AK7: variants seen among roughly 807,000 people sequenced by gnomAD.
The protein encoded by AK7 is adenylate kinase 7, also known as ATP-AMP transphosphorylase 7.
A neutral mutation model predicts 96.6 loss-of-function variants in AK7; 78 were observed. The observed-to-expected ratio is 0.81, with a 90% confidence interval of 0.67 to 0.97. AK7 has a LOEUF of 0.97. AK7 is among the 50% of genes least tolerant of loss of function. The pLI, the probability that AK7 is intolerant of heterozygous loss-of-function variation, is 0.00. For synonymous variants in AK7, 302 were observed against 317.2 expected (o/e 0.95, Z 0.51); for missense variants, 855 against 887.9 (o/e 0.96, Z 0.47).
chr14:96,442,686 C>T (rs749498808), intron 6 of AK7, 44 bp from the exon 7 acceptor site: 2 of 1,436,610 alleles, frequency 1.4e-6, no homozygotes, highest in Admixed American at 1.7e-5. Flanking sequence ...TAATAGCCAT[C>T]CACATATAAC....
intron 5 of AK7, among the ~76,000 whole-genome samples, chr14:96,435,564 C>T (rs576304639): frequency 6.6e-6 from 1 of 152,286 alleles, no homozygotes; most frequent in South Asian, 2.1e-4. Context: ...GTTGCATGCC[C>T]TCCCCAGTCC....
In AK7 at chr14:96,456,241, A is replaced by T; in HGVS notation, c.1099-106A>T. Reference sequence around the variant, plus strand: ...AACAGAGTGAGAGACTCTGTCTCAAAAAAAAAAAAAAAAAAAAAAAGCACT... The same window carrying T: ...AACAGAGTGAGAGACTCTGTCTCAATAAAAAAAAAAAAAAAAAAAAGCACT... On this transcript the variant is annotated intron_variant, in intron 10 of 17. Transcript: ENST00000267584. The T allele has an allele frequency of 4.7e-4, 13 of 27,690 alleles. No homozygotes were observed. The East Asian group carries it at 0.066, about 140-fold the overall frequency. 1.7% of individuals were successfully genotyped at this position (27,690 alleles called of 1,614,324 possible). A position where few individuals can be genotyped will look rare whatever the true frequency, so the allele number is the denominator to read the frequency against.
chr14:96,434,418 GTCTGTCTC>G (rs1002492652), intron 5 of AK7, among the ~76,000 whole-genome samples: 4 of 106,806 alleles, frequency 3.7e-5, no homozygotes, highest in South Asian at 2.9e-4. Context: ...CTCTCTGTCT[GTCTGTCTC>G]TCTCTCTCTC....
At chr14:96,432,850 C>T (rs976167094) in intron 5 of AK7, among the ~76,000 whole-genome samples, 4 of 149,628 alleles carry the variant, frequency 2.7e-5, no homozygotes, top group Admixed American at 6.7e-5. Context: ...AAAAAATAGC[C>T]GGGCATGTTG....
chr14:96,475,945 C>T (rs775804863), intron 14 of AK7, among the ~76,000 whole-genome samples: 14 of 149,892 alleles, frequency 9.3e-5, no homozygotes, highest in Non-Finnish European at 2.1e-4. Context: ...TGCCACGGCA[C>T]TTCAGCCTGG....
At chr14:96,415,792 A>G (rs1350830894) in intron 4 of AK7, among the ~76,000 whole-genome samples, 1 of 149,580 alleles carries the variant, frequency 6.7e-6, no homozygotes, top group African/African-American at 2.4e-5. Context: ...TTAATACATT[A>G]ATTAATTAAA....
chr14:96,471,736 C>A, intron 13 of AK7, 130 bp downstream of exon 13: 1 of 800,238 alleles, frequency 1.2e-6, no homozygotes, highest in Non-Finnish European at 1.7e-6. Flanking sequence ...CTTTGGCTCA[C>A]CTTTCTTTAC....
At chr14:96,440,963 G>A (rs767245980) in intron 6 of AK7, among the ~76,000 whole-genome samples, 1 of 152,054 alleles carries the variant, frequency 6.6e-6, no homozygotes, top group African/African-American at 2.4e-5. Context: ...AGGAGTTTGA[G>A]ACCAGCCTGG....
intron 4 of AK7, among the ~76,000 whole-genome samples, chr14:96,412,654 C>T (rs941573628): frequency 2.0e-5 from 3 of 151,888 alleles, no homozygotes; most frequent in African/African-American, 7.3e-5. Context: ...CAGCCTCCAC[C>T]TCCCAGGTTC....
At chr14:96,443,816 C>T (rs1893085485) in intron 7 of AK7, among the ~76,000 whole-genome samples, 1 of 142,054 alleles carries the variant, frequency 7.0e-6, no homozygotes, top group Admixed American at 7.3e-5. Context: ...CTCTGTTGCC[C>T]AGGCTGGAGT....
chr14:96,478,457 C>T lies in AK7; in HGVS notation c.1556-8C>T. The T allele has an allele frequency of 6.2e-7, 1 of 1,614,064 alleles. No homozygotes were observed. Among genetic ancestry groups the T allele is most frequent in the Non-Finnish European group, 8.5e-7 (1 of 1,179,962 alleles). ...TGTGCCAACTCTGGAGTCTGTCCTTCTCCCCAGAATTCGTTTGTGCACTGG... is the reference window on the plus strand; with the variant it reads ...TGTGCCAACTCTGGAGTCTGTCCTTTTCCCCAGAATTCGTTTGTGCACTGG... On this transcript the variant is annotated splice_polypyrimidine_tract_variant and splice_region_variant and intron_variant, in intron 14 of 17. Coordinates refer to ENST00000267584, the MANE Select transcript of AK7 (RefSeq NM_152327.5).
At chr14:96,485,617 A>G (rs1895723121) in intron 16 of AK7, among the ~76,000 whole-genome samples, 1 of 152,290 alleles carries the variant, frequency 6.6e-6, no homozygotes, top group Non-Finnish European at 1.5e-5. Flanking sequence ...TTAATAATGT[A>G]TTGCAGTTTT....
At chr14:96,472,287 G>C (rs769468477) in intron 13 of AK7, among the ~76,000 whole-genome samples, 30 of 152,070 alleles carry the variant, frequency 2.0e-4, no homozygotes, top group Non-Finnish European at 3.5e-4. Flanking sequence ...TCAGTCTCCC[G>C]AGTAGCTGGG....
At chr14:96,473,991 G>A (rs945209084) in intron 14 of AK7, among the ~76,000 whole-genome samples, 1 of 152,162 alleles carries the variant, frequency 6.6e-6, no homozygotes, top group Non-Finnish European at 1.5e-5. Flanking sequence ...TACACAACAG[G>A]ATTTACTTAG....
rs566668803 is a variant in AK7, at chr14:96,403,882, C to T, written c.295-875C>T. Among the ~76,000 whole-genome samples the T allele has an allele frequency of 2.2e-4, 33 of 152,192 alleles. No individual in the cohort carries two copies. In the South Asian group the frequency reaches 4.2e-3, roughly 19 times the overall value. ...GATCAACAGCTGGAACCGAGATTCA[C>T]GCCTGTAATCCCAACCTTTTGGGAG... On this transcript the variant is annotated intron_variant, in intron 2 of 17. Transcript: ENST00000267584.
chr14:96,413,520 CCT>C, intron 4 of AK7, among the ~76,000 whole-genome samples: 1 of 152,302 alleles, frequency 6.6e-6, no homozygotes, highest in Non-Finnish European at 1.5e-5. Context: ...CCGGGCAACC[CCT>C]GTCCCTGGGC....
At chr14:96,465,224 G>A (rs1894490489) in intron 12 of AK7, among the ~76,000 whole-genome samples, 1 of 152,196 alleles carries the variant, frequency 6.6e-6, no homozygotes, top group Non-Finnish European at 1.5e-5. Flanking sequence ...CACTTTGGGA[G>A]GCCGAGGCGG....
chr14:96,477,211 C>T (rs373075686), intron 14 of AK7, among the ~76,000 whole-genome samples: 4 of 152,190 alleles, frequency 2.6e-5, no homozygotes, highest in East Asian at 1.9e-4. Context: ...TTATTCCACA[C>T]GCTGTCTCAG....
In AK7 at chr14:96,398,163, A is replaced by C; in HGVS notation, c.194A>C (p.Glu65Ala). 1 of 1,614,208 alleles carries C rather than the reference A, an allele frequency of 6.2e-7. No individual in the cohort carries two copies. Among genetic ancestry groups the C allele is most frequent in the Non-Finnish European group, 8.5e-7 (1 of 1,180,038 alleles). The part of the protein sequence containing the change: ...EEDENKSAML[E>A]ASSTKVKEGT... ...GATGAAAATAAGTCAGCTATGCTGG[A>C]AGCTTCCTCAACCAAAGTGAAGGAA... The change falls in exon 2 of 18, where the codon GAA (glutamate) becomes GCA (alanine). Residue 65 changes from glutamate to alanine, a missense_variant. Transcript: ENST00000267584.
Sources: allele counts gnomAD v4.1 joint callset (sites outside exome capture counted in the v4.1 genomes callset), GRCh38; gene constraint gnomAD v4.1.1; transcripts MANE v1.5; gene names NCBI Gene and HGNC (gene_info 2026-07-23, HGNC 2026-07-21).